Variants in ARSG observed in about 807,000 individuals in gnomAD.
The protein encoded by ARSG is ASG.
In ARSG, 37 loss-of-function variants were observed where a neutral mutation model predicts 50.5. The observed-to-expected ratio is 0.73, with a 90% CI of 0.56 to 0.96. The LOEUF is 0.96. ARSG is among the 50% of genes least tolerant of loss of function. The pLI is 0.00. For synonymous variants in ARSG, 225 were observed against 254.6 expected (o/e 0.88, Z 1.11); for missense variants, 629 against 675.3 (o/e 0.93, Z 0.76).
At chr17:68,262,361 C>G (rs2075086312) in intron 1 of ARSG, among the ~76,000 whole-genome samples, 1 of 151,812 alleles carries the variant, frequency 6.6e-6, no homozygotes, top group Non-Finnish European at 1.5e-5. Flanking sequence ...GTCCCAGCTA[C>G]TCGGGAGGCT....
At chr17:68,449,862 T>A in the ARSG span, among the ~76,000 whole-genome samples, 1 of 152,112 alleles carries the variant, frequency 6.6e-6, no homozygotes, top group Non-Finnish European at 1.5e-5. Context: ...TACAGAAAAA[T>A]TAGCTGGGCG....
chr17:68,333,668 A>C (rs1480159218), intron 2 of ARSG, among the ~76,000 whole-genome samples: 1 of 145,426 alleles, frequency 6.9e-6, no homozygotes, highest in East Asian at 2.0e-4. Context: ...TAATAATAAT[A>C]ATAATAAAAG....
intron 6 of ARSG, among the ~76,000 whole-genome samples, chr17:68,362,165 A>C (rs1291768290): frequency 1.5e-4 from 23 of 151,482 alleles, no homozygotes; most frequent in Admixed American, 1.5e-3. Context: ...GTTTTCCTTG[A>C]CTCACTATCC....
At chr17:68,279,953 G>A (rs1188358034) in intron 1 of ARSG, among the ~76,000 whole-genome samples, 10 of 152,184 alleles carry the variant, frequency 6.6e-5, no homozygotes, top group Non-Finnish European at 1.3e-4. Context: ...AGGCCAAAGC[G>A]GGTGGATCAC....
chr17:68,360,132 A>T (rs2079214208), intron 6 of ARSG, among the ~76,000 whole-genome samples: 1 of 152,218 alleles, frequency 6.6e-6, no homozygotes, highest in African/African-American at 2.4e-5. Flanking sequence ...AATCCATTAA[A>T]GGGCAAATCA....
At chr17:68,311,087 CAG>C (rs1313850872) in intron 2 of ARSG, among the ~76,000 whole-genome samples, 1 of 152,120 alleles carries the variant, frequency 6.6e-6, no homozygotes, top group Non-Finnish European at 1.5e-5. Context: ...ACCTGGGAGA[CAG>C]AGGTTGCAGT....
chr17:68,382,917 A>C (rs1371932073), intron 8 of ARSG, among the ~76,000 whole-genome samples: 3 of 152,186 alleles, frequency 2.0e-5, no homozygotes, highest in Non-Finnish European at 4.4e-5. Context: ...TAGTCTGTAC[A>C]ACAAAAAGAG....
At chr17:68,405,094 T>C (rs1375067292) in intron 11 of ARSG, among the ~76,000 whole-genome samples, 1 of 152,064 alleles carries the variant, frequency 6.6e-6, no homozygotes, top group African/African-American at 2.4e-5. Context: ...CTTGTTGCAG[T>C]TTTGAAATCA....
intron 9 of ARSG, among the ~76,000 whole-genome samples, chr17:68,385,991 T>C (rs1023095574): frequency 2.6e-5 from 4 of 152,322 alleles, no homozygotes; most frequent in Admixed American, 6.5e-5. Flanking sequence ...CTGGCCATGA[T>C]GCTTCTTAAT....
chr17:68,316,466 G>A (rs1792005933), intron 2 of ARSG, among the ~76,000 whole-genome samples: 2 of 152,174 alleles, frequency 1.3e-5, no homozygotes, highest in African/African-American at 4.8e-5. Context: ...CCTGGCACAT[G>A]GTAGGTGCTC....
At chr17:68,340,622 G>A (rs2078226781) in intron 2 of ARSG, among the ~76,000 whole-genome samples, 1 of 152,076 alleles carries the variant, frequency 6.6e-6, no homozygotes, top group African/African-American at 2.4e-5. Context: ...CCCAAGTTTG[G>A]CCAGGAGGAG....
chr17:68,281,714 G>GT (rs2075701829), intron 1 of ARSG, among the ~76,000 whole-genome samples: 1 of 152,202 alleles, frequency 6.6e-6, no homozygotes, highest in South Asian at 2.1e-4. Flanking sequence ...CCACAGTGAG[G>GT]TATCATCTTA....
At chr17:68,269,728 C>T (rs532762782) in intron 1 of ARSG, among the ~76,000 whole-genome samples, 8 of 127,604 alleles carry the variant, frequency 6.3e-5, no homozygotes, top group African/African-American at 1.7e-4. Flanking sequence ...AGGTGGAGTG[C>T]GATGGTGCAA....
In ARSG at chr17:68,275,752, C is replaced by G. The variant is rs113593958; in HGVS notation, c.-552+16326C>G. 8.5e-3 allele frequency among the ~76,000 whole-genome samples: 1,299 copies of G among 152,144 alleles called. 21 individuals carry two copies. Among genetic ancestry groups the G allele is most frequent in the African/African-American group, 0.029 (1,206 of 41,502 alleles). On this transcript the variant is annotated intron_variant, in intron 1 of 11. Transcript: ENST00000448504. ...AATCCAGCACTTTGGGAGGCCGAAG[C>G]AGGTGGATCACGAGTTCAGGAGTTA...
At chr17:68,389,874 T>G (rs990098724) in intron 9 of ARSG, among the ~76,000 whole-genome samples, 10 of 152,298 alleles carry the variant, frequency 6.6e-5, no homozygotes, top group African/African-American at 2.4e-4. Context: ...CTATGCATCC[T>G]GAAGTCCATG....
chr17:68,276,117 A>C (rs543361145), intron 1 of ARSG, among the ~76,000 whole-genome samples: 42 of 152,134 alleles, frequency 2.8e-4, no homozygotes, highest in African/African-American at 9.2e-4. Flanking sequence ...TTTTTGAGAC[A>C]GAGTCTTGCT....
At chr17:68,339,901 G>T (rs2078192143) in intron 2 of ARSG, among the ~76,000 whole-genome samples, 1 of 152,206 alleles carries the variant, frequency 6.6e-6, no homozygotes, top group Admixed American at 6.5e-5. Flanking sequence ...TTGACACTCT[G>T]AACAACCACT....
intron 11 of ARSG, among the ~76,000 whole-genome samples, chr17:68,402,223 TTTTGTTG>T (rs1447073511): frequency 6.6e-6 from 1 of 152,072 alleles, no homozygotes; most frequent in Non-Finnish European, 1.5e-5. Context: ...TACTAGTTTT[TTTTGTTG>T]TTTGTTGTTG....
rs140045534 is a variant in ARSG, at chr17:68,364,902, G to A, written c.705-3646G>A. 3.2e-3 allele frequency among the ~76,000 whole-genome samples: 494 copies of A among 152,310 alleles called. 4 individuals are homozygous for A. Among genetic ancestry groups the A allele is most frequent in the African/African-American group, 0.012 (481 of 41,574 alleles). On this transcript the variant is annotated intron_variant, in intron 6 of 11. Coordinates refer to ENST00000621439, the MANE Select transcript of ARSG (RefSeq NM_001267727.2). The stretch of plus-strand genomic sequence containing the variant: ...ATGCCCCCAAGGGACTAGTCTGTGT[G>A]GGCTCTGCCTGATGCCATGTTTTGG...
Sources: gnomAD v4.1 joint callset for allele counts (sites outside exome capture counted in the v4.1 genomes callset) on GRCh38, gnomAD v4.1.1 for gene constraint, MANE v1.5 for transcripts, NCBI Gene and HGNC (gene_info 2026-07-23, HGNC 2026-07-21) for gene names.